The following MAGI3 variants were observed in gnomAD, a reference collection of about 807,000 sequenced individuals.
MAGI3 encodes membrane-associated guanylate kinase, WW and PDZ domain-containing protein 3.
A neutral mutation model predicts 121.8 loss-of-function variants in MAGI3; 43 were observed. The ratio of observed to expected loss-of-function variants is 0.35; its 90% CI spans 0.28 to 0.46. MAGI3 has a LOEUF of 0.46. Among genes scored for constraint, MAGI3 ranks in the 20% least tolerant of loss-of-function variants. The pLI, the probability that MAGI3 is intolerant of heterozygous loss-of-function variation, is 1.00. For missense variants in MAGI3, 1,547 were observed against 1,797.3 expected (o/e 0.86, Z 2.52); for synonymous variants, 553 against 639.3 (o/e 0.86, Z 2.04).
At chr1:113,612,832 C>T (rs1557852529) in intron 6 of MAGI3, among the ~76,000 whole-genome samples, 1 of 152,100 alleles carries the variant, frequency 6.6e-6, no homozygotes, top group Non-Finnish European at 1.5e-5. Context: ...GATCTTTTAT[C>T]CTTACTATTA....
intron 2 of MAGI3, among the ~76,000 whole-genome samples, chr1:113,556,404 G>C (rs933143077): frequency 6.6e-6 from 1 of 152,148 alleles, no homozygotes; most frequent in African/African-American, 2.4e-5. Context: ...GGAGGCTGAA[G>C]CAGGAGGATT....
Position 113,614,649 on chromosome 1 carries a change from A to G in MAGI3, c.1067A>G (p.Tyr356Cys). Residue 356 changes from tyrosine (Y) to cysteine (C), a missense_variant, in exon 7 of 21, where the codon TAC becomes TGC. Physicochemically the swap from Tyr to Cys is radical, Grantham distance 194 (BLOSUM62 -2). Coordinates refer to ENST00000307546, the MANE Select transcript of MAGI3 (RefSeq NM_001142782.2). The part of the protein sequence containing the change: ...EKIEDPQYGT[Y>C]YVDHLNQKTQ... ...ATAGAGGACCCTCAGTATGGGACAT[A>G]CTATGTTGAGTAAGTTTGTTACCTC... 1 of 1,604,870 alleles carries G rather than the reference A, an allele frequency of 6.2e-7. No homozygotes were observed. Among genetic ancestry groups the G allele is most frequent in the South Asian group, 1.1e-5 (1 of 89,248 alleles).
chr1:113,521,111 A>C (rs1658155017), intron 1 of MAGI3, among the ~76,000 whole-genome samples: 1 of 149,988 alleles, frequency 6.7e-6, no homozygotes, highest in African/African-American at 2.5e-5. Context: ...TTTTGAGACA[A>C]AGTCTCGCTC....
Position 113,683,072 on chromosome 1 carries a change from T to TGAAAA in MAGI3, c.3511_3515dup (p.Ser1172ArgfsTer5). On this transcript the variant is annotated frameshift_variant, in exon 21 of 21. Transcript: ENST00000307546. LOFTEE classifies it low-confidence loss of function (END_TRUNC). ...CAGAAGAATTAAAGGACATTGTGCC[T>TGAAAA]GAAAAGAAAAGCACTTTAAATGAAA... is the stretch of plus-strand genomic sequence containing the variant. 6.2e-7 allele frequency: 1 copy of TGAAAA among 1,612,956 alleles called. No individual in the cohort carries two copies. The highest frequency in any genetic ancestry group is 1.1e-5 in the South Asian group (1 of 90,744).
intron 15 of MAGI3, among the ~76,000 whole-genome samples, chr1:113,654,530 T>C (rs1653365773): frequency 6.6e-6 from 1 of 152,168 alleles, no homozygotes; most frequent in Non-Finnish European, 1.5e-5. Flanking sequence ...GAGGCATACC[T>C]TTTATAAATG....
At chr1:113,577,519 TAGG>T in intron 2 of MAGI3, among the ~76,000 whole-genome samples, 1 of 151,286 alleles carries the variant, frequency 6.6e-6, no homozygotes, top group Middle Eastern at 3.4e-3. Flanking sequence ...TATACAGTAT[TAGG>T]AGAATATAAA....
At chr1:113,506,522 AAGTT>A (rs1657335849) in intron 1 of MAGI3, among the ~76,000 whole-genome samples, 2 of 152,156 alleles carry the variant, frequency 1.3e-5, no homozygotes. Context: ...ATGATAATGA[AAGTT>A]AAGGTAACAA....
intron 1 of MAGI3, among the ~76,000 whole-genome samples, chr1:113,411,162 A>C (rs1241685310): frequency 6.6e-6 from 1 of 152,172 alleles, no homozygotes; most frequent in Non-Finnish European, 1.5e-5. Flanking sequence ...AAAGTATTTA[A>C]AAACTTGACA....
At chr1:113,508,990 G>A (rs927495453) in intron 1 of MAGI3, among the ~76,000 whole-genome samples, 68 of 152,034 alleles carry the variant, frequency 4.5e-4, no homozygotes, top group African/African-American at 1.6e-3. Context: ...GTAAATGGTG[G>A]TATTATTTAG....
intron 1 of MAGI3, among the ~76,000 whole-genome samples, chr1:113,452,182 T>C (rs1013985473): frequency 6.6e-5 from 10 of 152,152 alleles, no homozygotes; most frequent in African/African-American, 2.2e-4. Flanking sequence ...CAATTTCCCC[T>C]TTCAGGAAGG....
intron 7 of MAGI3, among the ~76,000 whole-genome samples, chr1:113,618,181 T>C (rs1383279200): frequency 1.3e-5 from 2 of 152,022 alleles, no homozygotes; most frequent in Admixed American, 1.3e-4. Flanking sequence ...AAAAAAATTT[T>C]TTTTAATTAG....
At chr1:113,627,958 C>A (rs1651344418) in intron 9 of MAGI3, among the ~76,000 whole-genome samples, 1 of 151,838 alleles carries the variant, frequency 6.6e-6, no homozygotes, top group Non-Finnish European at 1.5e-5. Context: ...TCAGGTCTTG[C>A]TTTTTTTATT....
chr1:113,481,159 T>G (rs1279489940), intron 1 of MAGI3, among the ~76,000 whole-genome samples: 1 of 152,224 alleles, frequency 6.6e-6, no homozygotes, highest in East Asian at 1.9e-4. Flanking sequence ...TTCCTAGTTT[T>G]CTTCAAAAAT....
chr1:113,585,550 G>GGAA lies in MAGI3; in HGVS notation c.723_725dup (p.Glu241dup), dbSNP rs746990466. ...GAATGGATAGCTCTCTTCCTGAAGA[G>GGAA]GAAGAAGATGAGGACAAGGAAGCTA... is the stretch of plus-strand genomic sequence containing the variant. On this transcript the variant is annotated inframe_insertion, in exon 4 of 21. Transcript: ENST00000307546. 2.7e-5 allele frequency: 44 copies of GGAA among 1,614,014 alleles called. No homozygotes were observed. The highest frequency in any genetic ancestry group is 3.2e-5 in the Non-Finnish European group (38 of 1,180,016).
chr1:113,649,218 A>G lies in MAGI3; in HGVS notation c.2156-19A>G. ...TTTTAAAATAAATCATAGTATTTAT[A>G]TTTTCTGATTTTCCTCAGCACCAAA... On this transcript the variant is annotated intron_variant, in intron 12 of 20. Transcript: ENST00000307546. 3.2e-6 allele frequency: 5 copies of G among 1,580,666 alleles called. No individual in the cohort carries two copies. Among genetic ancestry groups the G allele is most frequent in the Non-Finnish European group, 3.5e-6 (4 of 1,156,790 alleles).
At chr1:113,394,103 G>T (rs1159806985) in intron 1 of MAGI3, among the ~76,000 whole-genome samples, 1 of 152,164 alleles carries the variant, frequency 6.6e-6, no homozygotes, top group Non-Finnish European at 1.5e-5. Context: ...GGTGCTAAGG[G>T]TCGCCCTCCC....
chr1:113,513,376 A>G lies in MAGI3; in HGVS notation c.317-36139A>G, dbSNP rs565414008. Among the ~76,000 whole-genome samples, 24 of 152,334 alleles carry G rather than the reference A, an allele frequency of 1.6e-4. No individual in the cohort carries two copies. In the East Asian group the frequency reaches 4.0e-3, roughly 26 times the overall value. On this transcript the variant is annotated intron_variant, in intron 1 of 20. Coordinates refer to ENST00000307546, the MANE Select transcript of MAGI3 (RefSeq NM_001142782.2). ...GCATCACGTTACCTGACTTCAAACT[A>G]TACTACAAGGCTACAGTGACCAAAA...
intron 1 of MAGI3, among the ~76,000 whole-genome samples, chr1:113,519,753 G>T (rs1190184302): frequency 6.6e-6 from 1 of 152,138 alleles, no homozygotes; most frequent in Non-Finnish European, 1.5e-5. Context: ...CAGTGGCCAG[G>T]ATTTTTATGG....
intron 15 of MAGI3, among the ~76,000 whole-genome samples, chr1:113,657,996 G>T (rs1480786803): frequency 6.6e-6 from 1 of 152,152 alleles, no homozygotes; most frequent in East Asian, 1.9e-4. Flanking sequence ...TCCTAGATAT[G>T]ATTCAGAAAT....
Sources: allele counts gnomAD v4.1 joint callset (sites outside exome capture counted in the v4.1 genomes callset), GRCh38; gene constraint gnomAD v4.1.1; transcripts MANE v1.5; gene names NCBI Gene and HGNC (gene_info 2026-07-23, HGNC 2026-07-21).